SCN10A: variants seen among roughly 807,000 people sequenced by gnomAD.
SCN10A encodes the protein sodium channel protein type 10 subunit alpha.
Under a neutral mutation model 170.7 loss-of-function variants are expected in SCN10A, and 162 were observed. That is an observed-to-expected ratio of 0.95 (90% CI 0.84 to 1.08). The LOEUF (loss-of-function observed/expected upper bound fraction) is 1.08, where lower values mean the gene tolerates loss of function less well. SCN10A is among the 50% of genes least tolerant of loss of function. The pLI is 0.00. For missense variants in SCN10A, 2,527 were observed against 2,436.9 expected (o/e 1.04, Z -0.78); for synonymous variants, 985 against 904.6 (o/e 1.09, Z -1.59).
intron 27 of SCN10A, among the ~76,000 whole-genome samples, chr3:38,700,394 C>T (rs774186312): frequency 1.3e-5 from 2 of 152,074 alleles, no homozygotes; most frequent in Non-Finnish European, 2.9e-5. Context: ...TTAGCAATAC[C>T]GTGTTGTCTA....
chr3:38,725,946 A>G (rs1229262600), intron 17 of SCN10A, among the ~76,000 whole-genome samples: 1 of 152,202 alleles, frequency 6.6e-6, no homozygotes, highest in Non-Finnish European at 1.5e-5. Context: ...TTTCTGGACC[A>G]CTTAGTAACC....
At chr3:38,769,096 A>G (rs918720664) in intron 5 of SCN10A, among the ~76,000 whole-genome samples, 1 of 152,064 alleles carries the variant, frequency 6.6e-6, no homozygotes, top group African/African-American at 2.4e-5. Context: ...TTCCATTTCC[A>G]GAAGTTGTGA....
chr3:38,763,646 A>T, intron 5 of SCN10A, 50 bp from the exon 6 acceptor site: 1 of 1,341,768 alleles, frequency 7.5e-7, no homozygotes, highest in Non-Finnish European at 1.1e-6. Flanking sequence ...GGTCCTGGGG[A>T]TGCATGCAGC....
intron 13 of SCN10A, among the ~76,000 whole-genome samples, chr3:38,747,850 C>A (rs1364106549): frequency 6.6e-6 from 1 of 152,176 alleles, no homozygotes; most frequent in African/African-American, 2.4e-5. Flanking sequence ...TTCTGTTCTT[C>A]TTGGAGAGAA....
intron 1 of SCN10A, among the ~76,000 whole-genome samples, chr3:38,811,207 C>A (rs1575189407): frequency 6.6e-6 from 1 of 152,142 alleles, no homozygotes; most frequent in African/African-American, 2.4e-5. Context: ...AATCCCAGCA[C>A]TTTGGGAGGC....
chr3:38,750,065 G>T lies in SCN10A; in HGVS notation c.1867+8C>A. 2.0e-6 allele frequency: 3 copies of T among 1,510,916 alleles called. No individual in the cohort carries two copies. Among genetic ancestry groups the T allele is most frequent in the Non-Finnish European group, 1.8e-6 (2 of 1,086,626 alleles). 93.6% of individuals were successfully genotyped at this position (1,510,916 alleles called of 1,614,324 possible). On this transcript the variant is annotated splice_region_variant and intron_variant, in intron 13 of 27. Coordinates refer to ENST00000449082, the MANE Select transcript of SCN10A (RefSeq NM_006514.4). ...CAGTGGATGAACAATGCAGTGAGCA[G>T]CACTTACCCTCAAGGACGGAGGTTA...
chr3:38,773,303 TA>T (rs977661787), intron 4 of SCN10A, among the ~76,000 whole-genome samples: 13 of 150,752 alleles, frequency 8.6e-5, no homozygotes, highest in Admixed American at 4.0e-4. Flanking sequence ...GACTTTGTCT[TA>T]AAAAAAAATG....
At chr3:38,730,473 A>T (rs144508177) in intron 15 of SCN10A, among the ~76,000 whole-genome samples, 3 of 152,352 alleles carry the variant, frequency 2.0e-5, no homozygotes, top group Admixed American at 1.3e-4. Flanking sequence ...CAGTAAAAAA[A>T]CAAACAAAAA....
intron 14 of SCN10A, 47 bp downstream of exon 14, chr3:38,742,244 C>T (rs1437617457): frequency 8.3e-6 from 12 of 1,452,798 alleles, no homozygotes; most frequent in Admixed American, 1.7e-5. Flanking sequence ...TCATCCCCAC[C>T]CCGCCCCGAC....
intron 17 of SCN10A, 49 bp from the exon 18 acceptor site, chr3:38,725,363 C>T (rs2063443127): frequency 1.3e-6 from 2 of 1,505,938 alleles, no homozygotes; most frequent in South Asian, 2.7e-5. Context: ...CCTTAGATGA[C>T]CAGTTCTAAA....
At chr3:38,754,089 G>T (rs1174141151) in intron 11 of SCN10A, among the ~76,000 whole-genome samples, 1 of 152,150 alleles carries the variant, frequency 6.6e-6, no homozygotes, top group Non-Finnish European at 1.5e-5. Context: ...GTACTTAAAT[G>T]GTGCCTCCCT....
chr3:38,812,317 C>A (rs1017417284), intron 1 of SCN10A, among the ~76,000 whole-genome samples: 1 of 152,150 alleles, frequency 6.6e-6, no homozygotes, highest in Non-Finnish European at 1.5e-5. Flanking sequence ...CCACTAAAGC[C>A]TTGAGGCTAA....
intron 8 of SCN10A, among the ~76,000 whole-genome samples, chr3:38,759,444 C>T (rs769689165): frequency 2.0e-5 from 3 of 152,094 alleles, no homozygotes; most frequent in South Asian, 4.2e-4. Context: ...AAGCTCACCT[C>T]AAACACCACC....
chr3:38,796,407 G>T (rs2064342069), intron 1 of SCN10A, among the ~76,000 whole-genome samples: 1 of 151,906 alleles, frequency 6.6e-6, no homozygotes, highest in Non-Finnish European at 1.5e-5. Flanking sequence ...GTGTCATTTT[G>T]ATTCCCCTTT....
chr3:38,728,450 G>T, intron 16 of SCN10A, 92 bp downstream of exon 16: 3 of 1,338,032 alleles, frequency 2.2e-6, no homozygotes, highest in African/African-American at 1.5e-5. Context: ...TACAATCTGG[G>T]CATAAAAATG....
intron 26 of SCN10A, among the ~76,000 whole-genome samples, chr3:38,705,755 T>C (rs1012493532): frequency 2.6e-5 from 4 of 152,106 alleles, no homozygotes; most frequent in African/African-American, 9.7e-5. Flanking sequence ...TGCCAAGGGT[T>C]GTCCCTAGCA....
rs572378208 is a variant in SCN10A, at chr3:38,711,864, G to A, written c.4089+297C>T. 1.2e-3 allele frequency among the ~76,000 whole-genome samples: 181 copies of A among 152,334 alleles called. 1 individual carries two copies. The highest frequency in any genetic ancestry group is 6.8e-3 in the Middle Eastern group (2 of 294). On this transcript the variant is annotated intron_variant, in intron 23 of 27. Transcript: ENST00000449082. ...TGAAGACTGAACATGTGGCTATGCC[G>A]TGTCTATTTTGTACAGGTTCTGTGT...
intron 23 of SCN10A, 52 bp from the exon 24 acceptor site, chr3:38,710,949 G>C: frequency 2.0e-6 from 3 of 1,514,568 alleles, no homozygotes; most frequent in Non-Finnish European, 2.7e-6. Flanking sequence ...ATCTATACTG[G>C]ACCCTTCCCA....
chr3:38,726,981 A>T lies in SCN10A; in HGVS notation c.2712T>A (p.Asp904Glu). 1 of 1,614,230 alleles carries T rather than the reference A, an allele frequency of 6.2e-7. No individual in the cohort carries two copies. The highest frequency in any genetic ancestry group is 8.5e-7 in the Non-Finnish European group (1 of 1,180,034). Reference protein sequence around the residue: ...SADNLTAPEDDGEVNNLQVAL... With the variant: ...SADNLTAPEDEGEVNNLQVAL... ...CCACCTGCAGGTTGTTCACCTCCCC[A>T]TCGTCCTCCGGGGCTGTGAGGTTGT... The change falls in exon 17 of 28, where the codon GAT becomes GAA. Residue 904 changes from aspartate to glutamate, a missense_variant. By Grantham distance (45) the Asp-to-Glu change is conservative. Transcript: ENST00000449082.
Sources: gnomAD v4.1 joint callset for allele counts (sites outside exome capture counted in the v4.1 genomes callset) on GRCh38, gnomAD v4.1.1 for gene constraint, MANE v1.5 for transcripts, NCBI Gene and HGNC (gene_info 2026-07-23, HGNC 2026-07-21) for gene names.